The following THSD4 variants were observed in gnomAD, a reference collection of about 807,000 sequenced individuals.
THSD4 encodes the protein thrombospondin type 1 domain containing 4.
Under a neutral mutation model 119.0 loss-of-function variants are expected in THSD4, and 69 were observed. That is an observed-to-expected ratio of 0.58 (90% CI 0.48 to 0.71). THSD4 has a LOEUF of 0.71. THSD4 is among the 30% of genes least tolerant of loss of function. The pLI is 0.00. For missense variants in THSD4, 1,393 were observed against 1,391.1 expected (o/e 1.00, Z -0.02); for synonymous variants, 524 against 540.4 (o/e 0.97, Z 0.42).
intron 7 of THSD4, among the ~76,000 whole-genome samples, chr15:71,435,227 C>T (rs1432136650): frequency 1.3e-5 from 2 of 151,978 alleles, no homozygotes; most frequent in Non-Finnish European, 2.9e-5. Context: ...ACTGGGAAAC[C>T]AACCCCAGAC....
intron 7 of THSD4, among the ~76,000 whole-genome samples, chr15:71,531,525 C>T (rs772781665): frequency 5.9e-5 from 9 of 152,174 alleles, no homozygotes; most frequent in African/African-American, 1.9e-4. Context: ...TTAAGCACCT[C>T]GGCTGTGGAG....
intron 6 of THSD4, among the ~76,000 whole-genome samples, chr15:71,265,026 A>G (rs2140297908): frequency 6.6e-6 from 1 of 152,114 alleles, no homozygotes; most frequent in South Asian, 2.1e-4. Context: ...ATCTGATAGG[A>G]TTAGTGTTCT....
intron 7 of THSD4, among the ~76,000 whole-genome samples, chr15:71,657,048 C>A (rs572310121): frequency 3.3e-5 from 5 of 152,248 alleles, no homozygotes; most frequent in African/African-American, 1.2e-4. Context: ...ACTTTATGTA[C>A]CCAATTGTTA....
intron 6 of THSD4, among the ~76,000 whole-genome samples, chr15:71,349,497 C>T (rs2045716741): frequency 6.6e-6 from 1 of 152,186 alleles, no homozygotes; most frequent in African/African-American, 2.4e-5. Context: ...CCGTTTGCAT[C>T]ACCTTTCTGT....
chr15:71,294,666 A>G (rs564662112), intron 6 of THSD4, among the ~76,000 whole-genome samples: 8 of 152,182 alleles, frequency 5.3e-5, no homozygotes, highest in Non-Finnish European at 1.0e-4. Context: ...TTAGTCCATA[A>G]TGTAAATGCC....
At position 71,266,664 on chromosome 15, in the gene THSD4, A is replaced by G. The variant is rs149161602; in HGVS notation, c.1015+9949A>G. ...AAGGTGGGTAATAACAAACTCCTCC[A>G]AGCTAAAGGAGCATGTTCTAACCCA... On this transcript the variant is annotated intron_variant, in intron 6 of 17. Transcript: ENST00000261862. 2.0e-4 allele frequency among the ~76,000 whole-genome samples: 30 copies of G among 152,118 alleles called. No homozygotes were observed. In the East Asian group the frequency reaches 5.9e-3, roughly 30 times the overall value.
At chr15:71,198,358 A>T (rs2043738080) in intron 3 of THSD4, among the ~76,000 whole-genome samples, 1 of 152,252 alleles carries the variant, frequency 6.6e-6, no homozygotes, top group Admixed American at 6.5e-5. Context: ...TGAGGCTGGC[A>T]CAGAAGACTG....
At chr15:71,563,403 T>C (rs1162985798) in intron 7 of THSD4, among the ~76,000 whole-genome samples, 1 of 152,120 alleles carries the variant, frequency 6.6e-6, no homozygotes, top group Non-Finnish European at 1.5e-5. Flanking sequence ...CAAAGGCAAT[T>C]AAAATCACAA....
At chr15:71,401,923 TA>T (rs1380326210) in intron 6 of THSD4, among the ~76,000 whole-genome samples, 1 of 152,026 alleles carries the variant, frequency 6.6e-6, no homozygotes, top group African/African-American at 2.4e-5. Flanking sequence ...TATGCAGCCA[TA>T]AAAAAGGATG....
At chr15:71,386,995 T>G (rs2046301843) in intron 6 of THSD4, among the ~76,000 whole-genome samples, 1 of 152,176 alleles carries the variant, frequency 6.6e-6, no homozygotes, top group African/African-American at 2.4e-5. Context: ...GGAGGCAAGG[T>G]TTCCGGGTTT....
intron 7 of THSD4, among the ~76,000 whole-genome samples, chr15:71,430,046 T>A (rs1019698006): frequency 3.9e-5 from 6 of 152,154 alleles, no homozygotes; most frequent in African/African-American, 1.4e-4. Flanking sequence ...TGATAGATTT[T>A]CCTGGATTTT....
At chr15:71,540,722 T>C (rs2048748281) in intron 7 of THSD4, among the ~76,000 whole-genome samples, 1 of 108,442 alleles carries the variant, frequency 9.2e-6, no homozygotes, top group African/African-American at 3.4e-5. Flanking sequence ...CCACTGCACC[T>C]GGCCTCCTTT....
intron 6 of THSD4, among the ~76,000 whole-genome samples, chr15:71,352,532 C>T (rs2045757160): frequency 6.6e-6 from 1 of 152,114 alleles, no homozygotes; most frequent in Admixed American, 6.5e-5. Context: ...TCTTTAAAAA[C>T]CAGGTAAATT....
chr15:71,712,169 C>T (rs1238286905), intron 8 of THSD4, among the ~76,000 whole-genome samples: 2 of 152,014 alleles, frequency 1.3e-5, no homozygotes, highest in Admixed American at 6.5e-5. Flanking sequence ...CTTTTCTCAT[C>T]ATAATGGAAT....
chr15:71,562,838 G>A (rs1384055452), intron 7 of THSD4, among the ~76,000 whole-genome samples: 3 of 152,110 alleles, frequency 2.0e-5, no homozygotes, highest in South Asian at 2.1e-4. Context: ...GAGTAGCTGG[G>A]ATTGCAGGCA....
intron 6 of THSD4, among the ~76,000 whole-genome samples, chr15:71,302,601 G>A: frequency 6.6e-6 from 1 of 152,080 alleles, no homozygotes; most frequent in Non-Finnish European, 1.5e-5. Flanking sequence ...GGGGTGCTGG[G>A]GGCAGTGAGC....
At chr15:71,664,364 A>C (rs2051374158) in intron 8 of THSD4, among the ~76,000 whole-genome samples, 1 of 151,992 alleles carries the variant, frequency 6.6e-6, no homozygotes, top group Non-Finnish European at 1.5e-5. Context: ...TGTCATGCAA[A>C]TAAAACTTTC....
intron 7 of THSD4, among the ~76,000 whole-genome samples, chr15:71,546,901 A>G (rs2048845143): frequency 6.6e-6 from 1 of 152,202 alleles, no homozygotes; most frequent in African/African-American, 2.4e-5. Context: ...GCGGACTGGC[A>G]ACTTGTCCAG....
chr15:71,210,989 A>G (rs1190021684), intron 3 of THSD4, among the ~76,000 whole-genome samples: 2 of 152,168 alleles, frequency 1.3e-5, no homozygotes, highest in Non-Finnish European at 2.9e-5. Context: ...TATATCTGTA[A>G]GATGAACTAC....
Sources: allele counts gnomAD v4.1 joint callset (sites outside exome capture counted in the v4.1 genomes callset), GRCh38; gene constraint gnomAD v4.1.1; transcripts MANE v1.5; gene names NCBI Gene and HGNC (gene_info 2026-07-23, HGNC 2026-07-21).